The following ADAMTS16 variants were observed in gnomAD, a reference collection of about 807,000 sequenced individuals.
ADAMTS16 encodes A disintegrin and metalloproteinase with thrombospondin motifs 16.
ADAMTS16 carries 94 observed loss-of-function variants against 145.8 expected under a neutral mutation model. The observed-to-expected ratio is 0.64, with a 90% CI of 0.55 to 0.77. The LOEUF is 0.77. ADAMTS16 is among the 30% of genes least tolerant of loss of function. The pLI, the probability that ADAMTS16 is intolerant of heterozygous loss-of-function variation, is 0.00. For missense variants in ADAMTS16, 1,585 were observed against 1,591.5 expected, an observed-to-expected ratio of 1.00 and a Z score of 0.07; for synonymous variants, 659 against 604.3, an observed-to-expected ratio of 1.09 and a Z score of -1.33.
Position 5,232,442 on chromosome 5 carries a change from GTCT to G in ADAMTS16, c.1781_1783del (p.Ser594del). ...CCACCCATGGCCACTGGTCGGACTG[GTCT>G]TCTTGGTCCCCATGCTCCAGGACCT... is the stretch of plus-strand genomic sequence containing the variant. On this transcript the variant is annotated inframe_deletion, in exon 12 of 23. Transcript: ENST00000274181. 1 of 1,614,046 alleles carries G rather than the reference GTCT, an allele frequency of 6.2e-7. No individual in the cohort carries two copies. The highest frequency in any genetic ancestry group is 8.5e-7 in the Non-Finnish European group (1 of 1,180,022).
In ADAMTS16 at chr5:5,231,009, G is replaced by C. The variant is rs536555865; in HGVS notation, c.1702-1359G>C. Among the ~76,000 whole-genome samples, 58 of 152,246 alleles carry C rather than the reference G, an allele frequency of 3.8e-4. 1 individual carries two copies. The highest frequency in any genetic ancestry group is 1.1e-3 in the African/African-American group (44 of 41,526). On this transcript the variant is annotated intron_variant, in intron 11 of 22. Coordinates refer to ENST00000274181, the MANE Select transcript of ADAMTS16 (RefSeq NM_139056.4). ...CTATGACCAGATGGTTTTTAAAAAGGGGGGAAAAGAAAACGACAACAACTA... is the reference window on the plus strand; with the variant it reads ...CTATGACCAGATGGTTTTTAAAAAGCGGGGAAAAGAAAACGACAACAACTA...
chr5:5,285,039 C>T lies in ADAMTS16; in HGVS notation c.2790-18229C>T, dbSNP rs149007345. ...TTTGAGATGTTCACAGTTTGTCAGC[C>T]TTTACTTGATTTGGGGAAAAGGAAT... On this transcript the variant is annotated intron_variant, in intron 18 of 22. Coordinates refer to ENST00000274181, the MANE Select transcript of ADAMTS16 (RefSeq NM_139056.4). Among the ~76,000 whole-genome samples the T allele has an allele frequency of 1.1e-3, 167 of 152,282 alleles. 2 individuals carry two copies. Among genetic ancestry groups the T allele is most frequent in the African/African-American group, 3.9e-3 (163 of 41,552 alleles).
intron 3 of ADAMTS16, among the ~76,000 whole-genome samples, chr5:5,157,797 C>T (rs1734639173): frequency 6.6e-6 from 1 of 152,132 alleles, no homozygotes; most frequent in Non-Finnish European, 1.5e-5. Context: ...TCTTTACGTC[C>T]ACAGTTGTTG....
At chr5:5,265,699 G>C (rs566065686) in intron 18 of ADAMTS16, among the ~76,000 whole-genome samples, 1 of 152,294 alleles carries the variant, frequency 6.6e-6, no homozygotes, top group African/African-American at 2.4e-5. Flanking sequence ...CTAGAGTTTG[G>C]CCAAGGACAG....
At chr5:5,305,304 AC>A (rs1262186280) in intron 20 of ADAMTS16, among the ~76,000 whole-genome samples, 2 of 78,684 alleles carry the variant, frequency 2.5e-5, no homozygotes, top group African/African-American at 4.6e-5. Flanking sequence ...ACACACACAC[AC>A]ATCCCACACC....
At chr5:5,243,059 G>A (rs1737343729) in intron 17 of ADAMTS16, among the ~76,000 whole-genome samples, 1 of 152,130 alleles carries the variant, frequency 6.6e-6, no homozygotes, top group South Asian at 2.1e-4. Flanking sequence ...AGAAGGTAGT[G>A]AATGAACAAA....
intron 9 of ADAMTS16, among the ~76,000 whole-genome samples, chr5:5,207,697 C>G (rs1425637620): frequency 7.1e-6 from 1 of 140,176 alleles, no homozygotes; most frequent in Non-Finnish European, 1.6e-5. Flanking sequence ...CTCCTCTATT[C>G]CTAGTTTGCT....
chr5:5,264,947 A>G (rs1354878948), intron 18 of ADAMTS16, among the ~76,000 whole-genome samples: 2 of 152,184 alleles, frequency 1.3e-5, no homozygotes, highest in African/African-American at 2.4e-5. Context: ...GGGCCACTGC[A>G]GGAGAGCTGG....
intron 10 of ADAMTS16, among the ~76,000 whole-genome samples, chr5:5,209,475 A>C (rs1273917972): frequency 6.6e-6 from 1 of 152,158 alleles, no homozygotes; most frequent in African/African-American, 2.4e-5. Flanking sequence ...TTGGCCTGTT[A>C]GGTTGGATCT....
chr5:5,212,502 G>A (rs1439651587), intron 10 of ADAMTS16, among the ~76,000 whole-genome samples: 1 of 151,976 alleles, frequency 6.6e-6, no homozygotes, highest in East Asian at 1.9e-4. Context: ...CATTTAGGAT[G>A]GCTATGTCTT....
intron 3 of ADAMTS16, among the ~76,000 whole-genome samples, chr5:5,176,550 A>C (rs1197380474): frequency 6.6e-6 from 1 of 152,158 alleles, no homozygotes; most frequent in Non-Finnish European, 1.5e-5. Context: ...CAAGGCCAGA[A>C]ATATGGATGT....
intron 21 of ADAMTS16, among the ~76,000 whole-genome samples, chr5:5,307,557 C>T (rs1210293489): frequency 2.6e-5 from 4 of 152,158 alleles, no homozygotes; most frequent in Middle Eastern, 3.2e-3. Flanking sequence ...CTCACTGTCT[C>T]GCCCATCTCC....
chr5:5,248,772 A>G (rs2126404711), intron 17 of ADAMTS16, among the ~76,000 whole-genome samples: 1 of 152,368 alleles, frequency 6.6e-6, no homozygotes, highest in South Asian at 2.1e-4. Context: ...GACCTTGGAA[A>G]GCCTCAATAC....
At chr5:5,306,867 C>A in intron 21 of ADAMTS16, 139 bp downstream of exon 21, 1 of 879,324 alleles carries the variant, frequency 1.1e-6, no homozygotes, top group Non-Finnish European at 1.7e-6. Flanking sequence ...CTTTCCAGAG[C>A]ATGTGCGGGT....
intron 18 of ADAMTS16, among the ~76,000 whole-genome samples, chr5:5,292,273 A>G (rs1739355388): frequency 6.6e-6 from 1 of 152,204 alleles, no homozygotes; most frequent in African/African-American, 2.4e-5. Context: ...AATGGTGTGG[A>G]TCACCTGACG....
Position 5,225,248 on chromosome 5 carries a change from T to C in ADAMTS16, c.1701+2364T>C, listed in dbSNP as rs1271533674. ...GCTCTGGGAGGGGGCGGGACAAAAA[T>C]CACAGGAGGACCTGTGATCCCTGCT... On this transcript the variant is annotated intron_variant, in intron 11 of 22. Coordinates refer to ENST00000274181, the MANE Select transcript of ADAMTS16 (RefSeq NM_139056.4). Among the ~76,000 whole-genome samples, 3 of 152,172 alleles carry C rather than the reference T, an allele frequency of 2.0e-5. No individual in the cohort carries two copies. The East Asian group carries it at 5.8e-4, about 30-fold the overall frequency.
chr5:5,164,648 G>A (rs1734820838), intron 3 of ADAMTS16, among the ~76,000 whole-genome samples: 1 of 152,080 alleles, frequency 6.6e-6, no homozygotes, highest in Admixed American at 6.5e-5. Context: ...CACCCTCCAG[G>A]GCTTCAGCTT....
chr5:5,233,994 G>A (rs981728288), intron 12 of ADAMTS16, among the ~76,000 whole-genome samples: 5 of 152,054 alleles, frequency 3.3e-5, no homozygotes, highest in African/African-American at 7.2e-5. Flanking sequence ...CCATAACCTC[G>A]CCAGCACCTG....
At chr5:5,263,650 G>C (rs1331503581) in intron 18 of ADAMTS16, among the ~76,000 whole-genome samples, 1 of 152,220 alleles carries the variant, frequency 6.6e-6, no homozygotes. Context: ...GTGTTGCCTG[G>C]AGGGGAACAC....
Sources: allele counts gnomAD v4.1 joint callset (sites outside exome capture counted in the v4.1 genomes callset), GRCh38; gene constraint gnomAD v4.1.1; transcripts MANE v1.5; gene names NCBI Gene and HGNC (gene_info 2026-07-23, HGNC 2026-07-21).